RTL4: variants seen among roughly 807,000 people sequenced by gnomAD.
The protein encoded by RTL4 is retrotransposon Gag like 4.
Under a neutral mutation model 5.3 loss-of-function variants are expected in RTL4, and 4 were observed. That is an observed-to-expected ratio of 0.75 (90% CI 0.37 to 1.72). The LOEUF (loss-of-function observed/expected upper bound fraction) is 1.72. Among genes scored for constraint, RTL4 ranks in the 40% most tolerant of loss-of-function variants. The probability of loss-of-function intolerance (pLI) is 0.04; values close to 1 mark genes in which losing one functional copy is unlikely to be tolerated. For missense variants in RTL4, 260 were observed against 227.1 expected (o/e 1.14, Z -0.93); for synonymous variants, 98 against 87.3 (o/e 1.12, Z -0.68).
the RTL4 span, among the ~76,000 whole-genome samples, chrX:112,206,721 C>T: frequency 9.0e-6 from 1 of 111,606 alleles, no homozygotes; most frequent in Non-Finnish European, 1.9e-5. Flanking sequence ...ATTTGTGCCT[C>T]TCTAGTACTC....
At chrX:112,178,381 A>G in the RTL4 span, among the ~76,000 whole-genome samples, 10 of 90,704 alleles carry the variant, frequency 1.1e-4, no homozygotes, top group Middle Eastern at 5.6e-3. Flanking sequence ...TTGGACCGTG[A>G]AACAGAAAAG....
the RTL4 span, among the ~76,000 whole-genome samples, chrX:112,339,420 T>C: frequency 8.9e-6 from 1 of 111,966 alleles, no homozygotes; most frequent in Non-Finnish European, 1.9e-5. Context: ...GTTCAGAGCA[T>C]TCCAAATTAG....
the RTL4 span, among the ~76,000 whole-genome samples, chrX:112,437,802 ATGGTGGTGG>A: frequency 0.15 from 11,381 of 76,708 alleles, 829 homozygotes; most frequent in East Asian, 0.26. Context: ...GGTGGTGGTG[ATGGTGGTGG>A]TGGTGGTGGT....
chrX:112,175,732 A>G, the RTL4 span, among the ~76,000 whole-genome samples: 3,564 of 110,874 alleles, frequency 0.032, 127 homozygotes, highest in African/African-American at 0.098. Flanking sequence ...AAGTATCTCA[A>G]AAAAATAAGA....
At chrX:112,343,219 G>T in the RTL4 span, among the ~76,000 whole-genome samples, 1 of 112,394 alleles carries the variant, frequency 8.9e-6, no homozygotes, top group Non-Finnish European at 1.9e-5. Flanking sequence ...CCGCTAAAAA[G>T]ATTTGAAATA....
chrX:112,097,992 G>A, the RTL4 span, among the ~76,000 whole-genome samples: 1 of 111,286 alleles, frequency 9.0e-6, no homozygotes, highest in Non-Finnish European at 1.9e-5. Flanking sequence ...AAGTTTTAGG[G>A]TACATGTGCA....
At chrX:112,303,562 A>T in the RTL4 span, among the ~76,000 whole-genome samples, 19 of 85,080 alleles carry the variant, frequency 2.2e-4, no homozygotes, top group African/African-American at 6.0e-4. Flanking sequence ...AACAATGAGA[A>T]CACATGGACA....
the RTL4 span, among the ~76,000 whole-genome samples, chrX:112,128,659 C>CAAAAAA: frequency 2.4e-5 from 1 of 41,115 alleles, no homozygotes; most frequent in Non-Finnish European, 5.5e-5. Flanking sequence ...CTCTGTCTCA[C>CAAAAAA]AAAAAAAAAA....
chrX:112,093,972 T>C, the RTL4 span, among the ~76,000 whole-genome samples: 1 of 111,665 alleles, frequency 9.0e-6, no homozygotes, highest in Non-Finnish European at 1.9e-5. Flanking sequence ...TGTGAGGGCT[T>C]GTTGCCATGC....
At chrX:112,193,522 T>G in the RTL4 span, among the ~76,000 whole-genome samples, 1 of 111,693 alleles carries the variant, frequency 9.0e-6, no homozygotes, top group Admixed American at 9.6e-5. Flanking sequence ...TTCAACAGTT[T>G]ATTATAAAGT....
At chrX:112,441,130 TCC>T in the RTL4 span, among the ~76,000 whole-genome samples, 19 of 111,332 alleles carry the variant, frequency 1.7e-4, no homozygotes, top group African/African-American at 5.9e-4. Context: ...TTTGAAACAT[TCC>T]CATGAAGCGT....
the RTL4 span, among the ~76,000 whole-genome samples, chrX:112,429,589 A>C: frequency 9.0e-6 from 1 of 110,708 alleles, no homozygotes; most frequent in African/African-American, 3.3e-5. Context: ...AGATCAGTTA[A>C]GCCAAAAAAA....
chrX:112,209,090 T>A, the RTL4 span, among the ~76,000 whole-genome samples: 1 of 112,018 alleles, frequency 8.9e-6, no homozygotes, highest in African/African-American at 3.2e-5. Context: ...GACTGAGTGG[T>A]GTCCATAGAA....
chrX:112,330,837 C>T, the RTL4 span, among the ~76,000 whole-genome samples: 1 of 111,011 alleles, frequency 9.0e-6, no homozygotes, highest in African/African-American at 3.3e-5. Flanking sequence ...GAACAGAGCC[C>T]TCAAAAATAA....
At chrX:112,261,995 G>A in the RTL4 span, among the ~76,000 whole-genome samples, 1 of 111,752 alleles carries the variant, frequency 8.9e-6, no homozygotes, top group East Asian at 2.8e-4. Flanking sequence ...GCCATAGGTA[G>A]AAAGCTGAAA....
chrX:112,357,967 A>G, the RTL4 span, among the ~76,000 whole-genome samples: 2 of 111,805 alleles, frequency 1.8e-5, no homozygotes, highest in African/African-American at 6.5e-5. Context: ...TAGTAATTCA[A>G]TCTTTTTTTT....
the RTL4 span, among the ~76,000 whole-genome samples, chrX:112,124,915 T>A: frequency 3.6e-5 from 4 of 111,622 alleles, no homozygotes; most frequent in Non-Finnish European, 5.6e-5. Context: ...TGTTTTGTTT[T>A]GTTTAGAGAC....
chrX:112,211,698 C>T, the RTL4 span, among the ~76,000 whole-genome samples: 7 of 111,763 alleles, frequency 6.3e-5, no homozygotes, highest in African/African-American at 2.3e-4. Context: ...GGAGTTAGAT[C>T]TTACCTAGAT....
At chrX:112,452,038 G>A (rs145218993), upstream of RTL4, among the ~76,000 whole-genome samples, 533 of 108,241 alleles carry the variant, frequency 4.9e-3, 2 homozygotes, top group African/African-American at 0.017. Context: ...GGTCTGAGTT[G>A]ATTCTTATGA....
Sources: gnomAD v4.1 joint callset for allele counts (sites outside exome capture counted in the v4.1 genomes callset) on GRCh38, gnomAD v4.1.1 for gene constraint, MANE v1.5 for transcripts, NCBI Gene and HGNC (gene_info 2026-07-23, HGNC 2026-07-21) for gene names.